HEXB: variants seen among roughly 807,000 people sequenced by gnomAD.
HEXB encodes the protein hexosaminidase subunit beta.
In HEXB, 51 loss-of-function variants were observed where a neutral mutation model predicts 71.2. The observed-to-expected ratio is 0.72, with a 90% confidence interval of 0.57 to 0.90. The LOEUF is 0.90. Among genes scored for constraint, HEXB ranks in the 40% least tolerant of loss-of-function variants. HEXB has a pLI of 0.00. For synonymous variants in HEXB, 266 were observed against 249.3 expected (o/e 1.07, Z -0.63); for missense variants, 617 against 677.0 (o/e 0.91, Z 0.98).
At chr5:74,675,049 T>C (rs1214347917) in intron 1 of HEXB, among the ~76,000 whole-genome samples, 1 of 152,156 alleles carries the variant, frequency 6.6e-6, no homozygotes, top group East Asian at 1.9e-4. Context: ...ACTATTCCAA[T>C]AGGTGTCAAG....
rs111717861 is a variant in HEXB, at chr5:74,654,812, G to C, written c.-377+14254G>C. Among the ~76,000 whole-genome samples the C allele has an allele frequency of 4.9e-3, 749 of 152,312 alleles. 10 individuals carry two copies. Among genetic ancestry groups the C allele is most frequent in the African/African-American group, 0.015 (637 of 41,562 alleles). On this transcript the variant is annotated intron_variant, in intron 1 of 13. Coordinates refer to the HEXB transcript ENST00000511181. Reference sequence around the variant, plus strand: ...GCTAGAGGGGAGCTAGGCCAGGCCAGGGGCAGCTGTGAATTGAATGTGGGC... The same window carrying C: ...GCTAGAGGGGAGCTAGGCCAGGCCACGGGCAGCTGTGAATTGAATGTGGGC...
At chr5:74,672,160 C>T (rs1370576156) in intron 1 of HEXB, among the ~76,000 whole-genome samples, 1 of 152,178 alleles carries the variant, frequency 6.6e-6, no homozygotes, top group African/African-American at 2.4e-5. Context: ...TGTGAACTGT[C>T]AAAGTGGTCA....
At chr5:74,699,166 A>G (rs927523925) in intron 5 of HEXB, among the ~76,000 whole-genome samples, 1 of 152,148 alleles carries the variant, frequency 6.6e-6, no homozygotes, top group Admixed American at 6.5e-5. Flanking sequence ...CCTGGGCAAC[A>G]GAGCAAGACT....
In HEXB at chr5:74,715,669, A is replaced by C. The variant is rs781244479; in HGVS notation, c.1061A>C (p.Asp354Ala). The C allele has an allele frequency of 1.2e-6, 2 of 1,602,488 alleles. No individual in the cohort carries two copies. The highest frequency in any genetic ancestry group is 4.5e-5 in the East Asian group (2 of 44,762). The change falls in exon 8 of 14, where the codon GAT becomes GCT. Residue 354 changes from aspartate to alanine, a missense_variant. Physicochemically the swap from Asp to Ala is moderately radical, Grantham distance 126. Coordinates refer to ENST00000261416, the MANE Select transcript of HEXB (RefSeq NM_000521.4). ...GATCAATTCATTCATTTGGGAGGAG[A>C]TGAAGTGGAATTTAAATGTTGGTAA... ...FPDQFIHLGG[D>A]EVEFKCWESN...
intron 1 of HEXB, among the ~76,000 whole-genome samples, chr5:74,675,147 G>C (rs1162908508): frequency 6.6e-6 from 1 of 152,276 alleles, no homozygotes; most frequent in East Asian, 1.9e-4. Context: ...AGAGTGAGGG[G>C]GTCAGTGGAT....
intron 1 of HEXB, among the ~76,000 whole-genome samples, chr5:74,687,438 G>A (rs999953835): frequency 1.3e-5 from 2 of 152,220 alleles, no homozygotes; most frequent in Non-Finnish European, 2.9e-5. Flanking sequence ...TTGGCTGTTA[G>A]ATGCATAGCT....
intron 5 of HEXB, among the ~76,000 whole-genome samples, chr5:74,698,470 C>T (rs1226344141): frequency 6.6e-6 from 1 of 151,818 alleles, no homozygotes; most frequent in Non-Finnish European, 1.5e-5. Context: ...TGGCTCACTG[C>T]AACCTCCGCC....
At position 74,697,047 on chromosome 5, in the gene HEXB, G is replaced by A. The variant is rs1749128827; in HGVS notation, c.610G>A (p.Gly204Arg). ...TGATTCTCCAAGGTTTTCTCACAGA[G>A]GAATTTTGATTGATACATCCAGACA... Reference protein sequence around the residue: ...IIDSPRFSHRGILIDTSRHYL... With the variant: ...IIDSPRFSHRRILIDTSRHYL... The change falls in exon 5 of 14, where the codon GGA becomes AGA. Residue 204 changes from glycine to arginine, a missense_variant. Gly to Arg is a moderately radical substitution (Grantham distance 125). Transcript: ENST00000261416. 1 of 1,586,902 alleles carries A rather than the reference G, an allele frequency of 6.3e-7. No individual in the cohort carries two copies. Among genetic ancestry groups the A allele is most frequent in the Non-Finnish European group, 8.6e-7 (1 of 1,156,180 alleles).
intron 5 of HEXB, among the ~76,000 whole-genome samples, chr5:74,703,833 C>G (rs1749317697): frequency 6.6e-6 from 1 of 152,246 alleles, no homozygotes; most frequent in African/African-American, 2.4e-5. Flanking sequence ...TGTCACGATG[C>G]CCAGCTAATT....
intron 2 of HEXB, among the ~76,000 whole-genome samples, chr5:74,692,146 C>CA (rs1028626363): frequency 8.6e-5 from 13 of 151,850 alleles, no homozygotes; most frequent in East Asian, 1.9e-4. Context: ...TAGAATGTGG[C>CA]AAAAAAATGT....
chr5:74,664,960 G>A (rs1335771699), intron 1 of HEXB, among the ~76,000 whole-genome samples: 1 of 152,060 alleles, frequency 6.6e-6, no homozygotes, highest in Non-Finnish European at 1.5e-5. Flanking sequence ...AGCGCATTTG[G>A]GACAGTGCAT....
chr5:74,680,980 C>G (rs964702041), upstream of HEXB, among the ~76,000 whole-genome samples: 2 of 152,210 alleles, frequency 1.3e-5, no homozygotes, highest in African/African-American at 4.8e-5. Flanking sequence ...TTTCAGTCAT[C>G]TGGGGAAACT....
intron 1 of HEXB, among the ~76,000 whole-genome samples, chr5:74,657,879 G>T (rs575374399): frequency 6.6e-6 from 1 of 152,192 alleles, no homozygotes; most frequent in East Asian, 1.9e-4. Flanking sequence ...CCTATGTTAC[G>T]CTTTTGTTGT....
intron 9 of HEXB, among the ~76,000 whole-genome samples, chr5:74,717,833 T>C (rs1749714649): frequency 6.6e-6 from 1 of 152,204 alleles, no homozygotes; most frequent in African/African-American, 2.4e-5. Flanking sequence ...ATTTAAGTGT[T>C]ATTTATCTGC....
In HEXB at chr5:74,715,070, T is replaced by C. The variant is rs560194534; in HGVS notation, c.902-440T>C. On this transcript the variant is annotated intron_variant, in intron 7 of 13. Coordinates refer to ENST00000261416, the MANE Select transcript of HEXB (RefSeq NM_000521.4). ...GATGGACTCCAGGAGAGAGGAGGTA[T>C]ATACTCTAGGATGACGATGGTACCC... Among the ~76,000 whole-genome samples, 3 of 152,304 alleles carry C rather than the reference T, an allele frequency of 2.0e-5. No homozygotes were observed. In the South Asian group the frequency reaches 6.2e-4, roughly 32 times the overall value.
Position 74,697,006 on chromosome 5 carries a change from A to G in HEXB, c.569A>G (p.Asn190Ser), listed in dbSNP as rs772132346. The change falls in exon 5 of 14, where the codon AAT becomes AGT. Residue 190 changes from asparagine (N) to serine (S), a missense_variant. Asn to Ser is a conservative substitution (Grantham distance 46, BLOSUM62 1). Coordinates refer to ENST00000261416, the MANE Select transcript of HEXB (RefSeq NM_000521.4). ...TTTATTTTGTCATAGTTCACCATCA[A>G]TGAATCCACCATTATTGATTCTCCA... is the stretch of plus-strand genomic sequence containing the variant. ...YQDSYGTFTI[N>S]ESTIIDSPRF... 5.8e-6 allele frequency: 9 copies of G among 1,549,108 alleles called. No homozygotes were observed. The highest frequency in any genetic ancestry group is 8.0e-6 in the Non-Finnish European group (9 of 1,122,300).
At chr5:74,687,328 G>A (rs1436630982) in intron 1 of HEXB, among the ~76,000 whole-genome samples, 2 of 152,144 alleles carry the variant, frequency 1.3e-5, no homozygotes, top group Middle Eastern at 6.3e-3. Context: ...CACAGTCTAG[G>A]CCCCAGATTG....
intron 1 of HEXB, among the ~76,000 whole-genome samples, chr5:74,673,626 T>C (rs1025251002): frequency 6.6e-6 from 1 of 152,208 alleles, no homozygotes; most frequent in Non-Finnish European, 1.5e-5. Flanking sequence ...TGGGGTTCCA[T>C]GTTCTTTAGT....
At chr5:74,682,529 A>G (rs1373946193), upstream of HEXB, among the ~76,000 whole-genome samples, 1 of 152,232 alleles carries the variant, frequency 6.6e-6, no homozygotes, top group Non-Finnish European at 1.5e-5. Context: ...CTTATTATTT[A>G]TCTGTTGTTG....
Sources: gnomAD v4.1 joint callset for allele counts (sites outside exome capture counted in the v4.1 genomes callset) on GRCh38, gnomAD v4.1.1 for gene constraint, MANE v1.5 for transcripts, NCBI Gene and HGNC (gene_info 2026-07-23, HGNC 2026-07-21) for gene names.